Variants in CAMK2D observed in about 807,000 individuals in gnomAD.
CAMK2D encodes calcium/calmodulin-dependent protein kinase type II subunit delta.
CAMK2D carries 37 observed loss-of-function variants against 84.0 expected under a neutral mutation model. The observed-to-expected ratio is 0.44, with a 90% CI of 0.34 to 0.58. CAMK2D has a LOEUF of 0.58. Among genes scored for constraint, CAMK2D ranks in the 20% least tolerant of loss-of-function variants. The pLI, the probability that CAMK2D is intolerant of heterozygous loss-of-function variation, is 0.02. For synonymous variants in CAMK2D, 202 were observed against 212.5 expected (o/e 0.95, Z 0.43); for missense variants, 448 against 652.5 (o/e 0.69, Z 3.41).
intron 4 of CAMK2D, among the ~76,000 whole-genome samples, chr4:113,567,040 TA>T (rs142523805): frequency 2.0e-5 from 3 of 151,640 alleles, no homozygotes. Flanking sequence ...CTGAATTACT[TA>T]AAAAAAATCA....
chr4:113,676,238 C>T (rs902586931), intron 2 of CAMK2D, among the ~76,000 whole-genome samples: 1 of 152,190 alleles, frequency 6.6e-6, no homozygotes, highest in African/African-American at 2.4e-5. Flanking sequence ...CTCAGCCTGT[C>T]AGTTCCTTGA....
At chr4:113,607,642 C>T (rs971239371) in intron 4 of CAMK2D, among the ~76,000 whole-genome samples, 1 of 151,972 alleles carries the variant, frequency 6.6e-6, no homozygotes, top group African/African-American at 2.4e-5. Flanking sequence ...AGAAAAATCC[C>T]CTTTGACTGT....
At chr4:113,625,008 C>T (rs1202553031) in intron 3 of CAMK2D, among the ~76,000 whole-genome samples, 1 of 152,172 alleles carries the variant, frequency 6.6e-6, no homozygotes, top group East Asian at 1.9e-4. Context: ...TCTCTTCTTT[C>T]TGACCAAGCA....
At chr4:113,729,413 C>T (rs1330963550) in intron 2 of CAMK2D, among the ~76,000 whole-genome samples, 3 of 152,160 alleles carry the variant, frequency 2.0e-5, no homozygotes, top group Non-Finnish European at 4.4e-5. Context: ...ACTAAGTGAA[C>T]ATGAACTACA....
intron 16 of CAMK2D, among the ~76,000 whole-genome samples, chr4:113,497,115 GTT>G (rs5861137): frequency 6.9e-6 from 1 of 145,098 alleles, no homozygotes; most frequent in African/African-American, 2.5e-5. Context: ...GTTTCACTGA[GTT>G]TTTTTTTTTT....
chr4:113,550,814 T>C (rs1445418451), intron 5 of CAMK2D, among the ~76,000 whole-genome samples: 1 of 152,180 alleles, frequency 6.6e-6, no homozygotes, highest in Non-Finnish European at 1.5e-5. Flanking sequence ...ATAGTATAAA[T>C]TACACAGAAT....
intron 2 of CAMK2D, among the ~76,000 whole-genome samples, chr4:113,663,084 T>A (rs990789042): frequency 6.6e-6 from 1 of 152,190 alleles, no homozygotes; most frequent in Admixed American, 6.5e-5. Context: ...AGATAGATAC[T>A]CTCTGGACCT....
At chr4:113,688,411 C>G (rs2099366354) in intron 2 of CAMK2D, among the ~76,000 whole-genome samples, 1 of 151,920 alleles carries the variant, frequency 6.6e-6, no homozygotes, top group Non-Finnish European at 1.5e-5. Context: ...AAATGACATG[C>G]TCTCTGTTAT....
rs559386677 is a variant in CAMK2D at position 113,625,538 on chromosome 4, T to C, written c.221-16332A>G. ...TGGAGATGCCTCAGGGAAGACCATA[T>C]GGAAGATAGACAAAAGCAAATACAA... On this transcript the variant is annotated intron_variant, in intron 3 of 20. Coordinates refer to ENST00000511664, the MANE Select transcript of CAMK2D (RefSeq NM_001321571.2). Among the ~76,000 whole-genome samples, 15 of 152,186 alleles carry C rather than the reference T, an allele frequency of 9.9e-5. No individual in the cohort carries two copies. In the East Asian group the frequency reaches 1.7e-3, roughly 18 times the overall value.
In CAMK2D at chr4:113,452,129, G is replaced by T. The variant is rs1448678369; in HGVS notation, c.*2416C>A. The T allele has an allele frequency of 1.1e-5, 1 of 90,178 alleles. No homozygotes were observed. Among genetic ancestry groups the T allele is most frequent in the South Asian group, 3.6e-4 (1 of 2,776 alleles). The allele number at this position is 90,178 out of a possible 1,614,324, so 5.6% of individuals were successfully genotyped here. On this transcript the variant is annotated 3_prime_UTR_variant, in exon 21 of 21. Transcript: ENST00000511664. ...ATCAAAGTGTTACAAGGACAGGTTCGTATTAAAAAAAAAAAAAAAAAGCAG... is the reference window on the plus strand; with the variant it reads ...ATCAAAGTGTTACAAGGACAGGTTCTTATTAAAAAAAAAAAAAAAAAGCAG...
chr4:113,619,892 G>C (rs56084573), intron 3 of CAMK2D, among the ~76,000 whole-genome samples: 17,714 of 152,144 alleles, frequency 0.12, 1,318 homozygotes, highest in South Asian at 0.18. Context: ...ATTGCTGAAA[G>C]AGAGAATATA....
rs990496625 is a variant in CAMK2D at position 113,618,208 on chromosome 4, G to A, written c.221-9002C>T. Among the ~76,000 whole-genome samples, 8 of 152,196 alleles carry A rather than the reference G, an allele frequency of 5.3e-5. 2 individuals carry two copies. The highest frequency in any genetic ancestry group is 4.6e-4 in the Admixed American group (7 of 15,284). ...AGAGTTTTCTCTCTTCAACACTCTC[G>A]AGTTAAAGTTTAAAACATACTTCAT... On this transcript the variant is annotated intron_variant, in intron 3 of 20. Coordinates refer to ENST00000511664, the MANE Select transcript of CAMK2D (RefSeq NM_001321571.2).
chr4:113,653,550 C>T (rs551251564), intron 3 of CAMK2D, among the ~76,000 whole-genome samples: 77 of 152,070 alleles, frequency 5.1e-4, no homozygotes, highest in South Asian at 1.4e-3. Flanking sequence ...AAAAAAACTG[C>T]GTCGCTTTCT....
intron 16 of CAMK2D, among the ~76,000 whole-genome samples, chr4:113,479,051 C>T (rs2097666212): frequency 6.6e-6 from 1 of 152,132 alleles, no homozygotes; most frequent in Admixed American, 6.5e-5. Flanking sequence ...ACCAATGATC[C>T]TGTACACAGT....
At chr4:113,526,442 GTGCATGCATGTATGCACA>G (rs1452146534) in intron 8 of CAMK2D, among the ~76,000 whole-genome samples, 1 of 152,008 alleles carries the variant, frequency 6.6e-6, no homozygotes, top group Non-Finnish European at 1.5e-5. Flanking sequence ...GTGTGTGTGT[GTGCATGCATGTATGCACA>G]TGTGTACGTA....
chr4:113,515,168 C>T lies in CAMK2D; in HGVS notation c.720G>A (p.Thr240=), dbSNP rs144277535. The T allele has an allele frequency of 4.0e-4, 639 of 1,604,964 alleles. 2 individuals carry two copies. In the African/African-American group the frequency reaches 7.1e-3, roughly 18 times the overall value. The change falls in exon 10 of 21, where the codon ACG becomes ACA. Residue 240 remains threonine, a synonymous_variant. Coordinates refer to ENST00000511664, the MANE Select transcript of CAMK2D (RefSeq NM_001321571.2). Reference sequence around the variant, plus strand: ...TGAGGTCTTTGGCTTCAGGAGTCACCGTGTCCCATTCTGGTGATGGAAACT... The same window carrying T: ...TGAGGTCTTTGGCTTCAGGAGTCACTGTGTCCCATTCTGGTGATGGAAACT... The part of the protein sequence containing the change: ...AYDFPSPEWD[T]VTPEAKDLIN...
chr4:113,462,326 GTCTGTCTGTCTGTCTATCTA>G (rs2097395780), intron 17 of CAMK2D, among the ~76,000 whole-genome samples: 1 of 132,272 alleles, frequency 7.6e-6, no homozygotes, highest in Non-Finnish European at 1.6e-5. Flanking sequence ...CTGTCTGTCT[GTCTGTCTGTCTGTCTATCTA>G]TCTATCTATC....
At position 113,510,872 on chromosome 4, in the gene CAMK2D, A is replaced by ATTAAT. The variant is rs1179276894; in HGVS notation, c.947-1202_947-1198dup. Among the ~76,000 whole-genome samples the ATTAAT allele has an allele frequency of 3.9e-5, 6 of 151,990 alleles. 1 individual carries two copies. The highest frequency in any genetic ancestry group is 9.7e-5 in the African/African-American group (4 of 41,394). ...TTCATTAATCTTTAGCAACACAGCT[A>ATTAAT]TTAATTTATTATTAATTGAGATTGT... On this transcript the variant is annotated intron_variant, in intron 12 of 20. Coordinates refer to ENST00000511664, the MANE Select transcript of CAMK2D (RefSeq NM_001321571.2).
In CAMK2D at chr4:113,515,055, G is replaced by A. The variant is rs1279627670; in HGVS notation, c.819+14C>T. The A allele has an allele frequency of 3.7e-6, 6 of 1,611,272 alleles. No homozygotes were observed. The highest frequency in any genetic ancestry group is 3.3e-5 in the Admixed American group (2 of 59,968). On this transcript the variant is annotated intron_variant, in intron 10 of 20. Coordinates refer to ENST00000511664, the MANE Select transcript of CAMK2D (RefSeq NM_001321571.2). Reference sequence around the variant, plus strand: ...TCATTTTAGTTCTTGAAGTTTTGGAGAAGTTTTACTTACACAGATCCATGG... The same window carrying A: ...TCATTTTAGTTCTTGAAGTTTTGGAAAAGTTTTACTTACACAGATCCATGG...
Sources: allele counts gnomAD v4.1 joint callset (sites outside exome capture counted in the v4.1 genomes callset), GRCh38; gene constraint gnomAD v4.1.1; transcripts MANE v1.5; gene names NCBI Gene and HGNC (gene_info 2026-07-23, HGNC 2026-07-21).